The following LDB2 variants were observed in gnomAD, a reference collection of about 807,000 sequenced individuals.
LDB2 encodes the protein LIM domain binding 2.
A neutral mutation model predicts 44.3 loss-of-function variants in LDB2; 12 were observed. The observed-to-expected ratio is 0.27, with a 90% CI of 0.17 to 0.44. The LOEUF is 0.44. Ranked by LOEUF, LDB2 falls within the 20% of genes least tolerant of loss-of-function variation. The pLI, the probability that LDB2 is intolerant of heterozygous loss-of-function variation, is 1.00. For missense variants in LDB2, 344 were observed against 473.5 expected (o/e 0.73, Z 2.54); for synonymous variants, 164 against 174.8 (o/e 0.94, Z 0.49).
chr4:16,583,605 A>T (rs770486930), intron 5 of LDB2, among the ~76,000 whole-genome samples: 5 of 152,250 alleles, frequency 3.3e-5, no homozygotes, highest in African/African-American at 9.6e-5. Context: ...CTTAAATCCC[A>T]GTTCTAAATG....
chr4:16,707,778 T>G (rs529658689), intron 2 of LDB2, among the ~76,000 whole-genome samples: 1 of 152,134 alleles, frequency 6.6e-6, no homozygotes, highest in East Asian at 1.9e-4. Flanking sequence ...AAAAAAGAAA[T>G]GCTTAAAATC....
chr4:16,557,784 G>A (rs1473707957), intron 5 of LDB2, among the ~76,000 whole-genome samples: 1 of 152,186 alleles, frequency 6.6e-6, no homozygotes, highest in Non-Finnish European at 1.5e-5. Flanking sequence ...CCTGACCCCT[G>A]ACCCCTGAGC....
chr4:16,670,000 G>A (rs1030141048), intron 2 of LDB2, among the ~76,000 whole-genome samples: 6 of 152,220 alleles, frequency 3.9e-5, no homozygotes, highest in Non-Finnish European at 7.3e-5. Context: ...GGCTGCTTTC[G>A]TGCTACAATG....
chr4:16,850,610 G>A lies in LDB2; in HGVS notation c.132+47744C>T, dbSNP rs112693035. ...AACCATACGGTGATCCAAAGTAACC[G>A]TTTCCCTCATATCATTACCCCAAGA... On this transcript the variant is annotated intron_variant, in intron 1 of 7. Coordinates refer to ENST00000304523, the MANE Select transcript of LDB2 (RefSeq NM_001290.5). Among the ~76,000 whole-genome samples, 43 of 152,202 alleles carry A rather than the reference G, an allele frequency of 2.8e-4. 2 individuals are homozygous for A. Among genetic ancestry groups the A allele is most frequent in the African/African-American group, 8.9e-4 (37 of 41,534 alleles).
At chr4:16,879,352 G>C (rs1719376455) in intron 1 of LDB2, among the ~76,000 whole-genome samples, 2 of 152,094 alleles carry the variant, frequency 1.3e-5, no homozygotes, top group Non-Finnish European at 2.9e-5. Context: ...CAGATACCTG[G>C]TTAAGCATTA....
intron 2 of LDB2, among the ~76,000 whole-genome samples, chr4:16,743,923 A>G (rs1763849926): frequency 6.6e-6 from 1 of 152,152 alleles, no homozygotes; most frequent in Admixed American, 6.5e-5. Flanking sequence ...GCAATCGAAA[A>G]CTAAAATACC....
At chr4:16,778,657 A>G (rs1772492649) in intron 1 of LDB2, among the ~76,000 whole-genome samples, 1 of 152,198 alleles carries the variant, frequency 6.6e-6, no homozygotes, top group African/African-American at 2.4e-5. Flanking sequence ...TGATAGAAAA[A>G]CAATATTAGC....
chr4:16,808,068 C>A (rs1779115657), intron 1 of LDB2, among the ~76,000 whole-genome samples: 1 of 151,882 alleles, frequency 6.6e-6, no homozygotes, highest in African/African-American at 2.4e-5. Flanking sequence ...CACCTTTACA[C>A]ACTCAATATA....
intron 1 of LDB2, among the ~76,000 whole-genome samples, chr4:16,850,523 G>A (rs1354088753): frequency 6.6e-6 from 1 of 152,166 alleles, no homozygotes. Flanking sequence ...GAACAGAGGA[G>A]AACACAAGGA....
chr4:16,672,402 G>C lies in LDB2; in HGVS notation c.236-76527C>G, dbSNP rs147357556. Among the ~76,000 whole-genome samples, 232 of 152,316 alleles carry C rather than the reference G, an allele frequency of 1.5e-3. 1 individual carries two copies. Among genetic ancestry groups the C allele is most frequent in the African/African-American group, 5.5e-3 (229 of 41,570 alleles). ...GGAAAAAAGCTGGAGAGGAGCTGCT[G>C]AAAGTTCATTGGCACCATCTGAGCC... On this transcript the variant is annotated intron_variant, in intron 2 of 7. Transcript: ENST00000304523.
intron 5 of LDB2, among the ~76,000 whole-genome samples, chr4:16,529,316 G>C (rs931185567): frequency 2.0e-5 from 3 of 152,156 alleles, no homozygotes; most frequent in Non-Finnish European, 4.4e-5. Flanking sequence ...AGCTGAATAT[G>C]TGTCTGCCTC....
At chr4:16,658,544 AT>A (rs35258299) in intron 2 of LDB2, among the ~76,000 whole-genome samples, 8 of 150,812 alleles carry the variant, frequency 5.3e-5, no homozygotes, top group South Asian at 2.1e-4. Flanking sequence ...TCTAGATCTG[AT>A]TTTTTTTTTC....
chr4:16,581,525 A>T (rs11729849), intron 5 of LDB2: 65,120 of 667,924 alleles, frequency 0.097, 3,612 homozygotes, highest in Non-Finnish European at 0.11. Context: ...CTTGAAACTT[A>T]TATTTTAACT....
intron 5 of LDB2, among the ~76,000 whole-genome samples, chr4:16,548,125 C>G (rs12498743): frequency 0.095 from 14,411 of 151,842 alleles, 1,244 homozygotes; most frequent in East Asian, 0.47. Context: ...TGCCTGGCCT[C>G]AACTTTCCTG....
chr4:16,829,397 A>G (rs1783650249), intron 1 of LDB2, among the ~76,000 whole-genome samples: 1 of 152,222 alleles, frequency 6.6e-6, no homozygotes, highest in Non-Finnish European at 1.5e-5. Context: ...AACAAAAGAA[A>G]GAGACAATGC....
intron 1 of LDB2, among the ~76,000 whole-genome samples, chr4:16,813,265 T>A (rs905021308): frequency 6.6e-6 from 1 of 152,074 alleles, no homozygotes; most frequent in Non-Finnish European, 1.5e-5. Flanking sequence ...GAATTACAGG[T>A]GTGAGCCACT....
intron 2 of LDB2, among the ~76,000 whole-genome samples, chr4:16,695,287 A>T (rs757009143): frequency 6.6e-6 from 1 of 152,150 alleles, no homozygotes; most frequent in African/African-American, 2.4e-5. Flanking sequence ...CTGTAATCCC[A>T]GCACTTTGGG....
intron 1 of LDB2, among the ~76,000 whole-genome samples, chr4:16,865,972 C>G (rs758958374): frequency 7.9e-5 from 12 of 152,210 alleles, no homozygotes; most frequent in Non-Finnish European, 1.6e-4. Context: ...AACTTCCTCT[C>G]TAAATCAGCT....
chr4:16,766,641 G>A (rs1312929262), intron 1 of LDB2, among the ~76,000 whole-genome samples: 1 of 151,576 alleles, frequency 6.6e-6, no homozygotes, highest in Non-Finnish European at 1.5e-5. Flanking sequence ...GAGTAGCTGG[G>A]ATTATAGGCG....
Sources: allele counts gnomAD v4.1 joint callset (sites outside exome capture counted in the v4.1 genomes callset), GRCh38; gene constraint gnomAD v4.1.1; transcripts MANE v1.5; gene names NCBI Gene and HGNC (gene_info 2026-07-23, HGNC 2026-07-21).